Variants in KCNN3 observed in about 807,000 individuals in gnomAD.
KCNN3 encodes the protein potassium calcium-activated channel subfamily N member 3, also known as small conductance calcium-activated potassium channel protein 3.
KCNN3 carries 16 observed loss-of-function variants against 62.9 expected under a neutral mutation model. That is an observed-to-expected ratio of 0.25 (90% CI 0.17 to 0.39). KCNN3 has a LOEUF of 0.39. Among genes scored for constraint, KCNN3 ranks in the 10% least tolerant of loss-of-function variants. The pLI, the probability that KCNN3 is intolerant of heterozygous loss-of-function variation, is 1.00. For synonymous variants in KCNN3, 370 were observed against 389.2 expected (o/e 0.95, Z 0.58); for missense variants, 599 against 949.4 (o/e 0.63, Z 4.85).
chr1:154,733,263 C>T (rs920802106), intron 3 of KCNN3, 119 bp from the exon 4 acceptor site: 27 of 1,031,110 alleles, frequency 2.6e-5, no homozygotes, highest in African/African-American at 1.7e-4. Context: ...GCAGCAGTGA[C>T]GGTGGCTCAC....
chr1:154,788,451 A>G (rs1649376987), intron 2 of KCNN3, among the ~76,000 whole-genome samples: 1 of 152,216 alleles, frequency 6.6e-6, no homozygotes, highest in South Asian at 2.1e-4. Context: ...CAGTTTCTCA[A>G]ACTTATTTGA....
chr1:154,825,207 C>G (rs1383883229), intron 1 of KCNN3, among the ~76,000 whole-genome samples: 1 of 152,178 alleles, frequency 6.6e-6, no homozygotes. Flanking sequence ...CCCCCACTCA[C>G]TCCTATCTGA....
rs896283449 is a variant in KCNN3 at position 154,705,835 on chromosome 1, G to A, written c.*2141C>T. 1.3e-5 allele frequency: 2 copies of A among 152,196 alleles called. No individual in the cohort carries two copies. The highest frequency in any genetic ancestry group is 4.8e-5 in the African/African-American group (2 of 41,434). The allele number at this position is 152,196 out of a possible 1,614,324, so 9.4% of individuals were successfully genotyped here. On this transcript the variant is annotated 3_prime_UTR_variant, in exon 8 of 8. Coordinates refer to ENST00000271915, the MANE Select transcript of KCNN3 (RefSeq NM_002249.6). ...GATCAGGATTGGCACACTCAGATCA[G>A]CCCACCAGTGGTCTTCACTTTGTGA...
chr1:154,780,596 T>TTATA (rs375053074), intron 2 of KCNN3, among the ~76,000 whole-genome samples: 61 of 146,232 alleles, frequency 4.2e-4, no homozygotes, highest in Middle Eastern at 3.6e-3. Flanking sequence ...GTTTTATATT[T>TTATA]TATATATATA....
At chr1:154,722,294 G>A (rs990783459) in intron 5 of KCNN3, among the ~76,000 whole-genome samples, 5 of 151,906 alleles carry the variant, frequency 3.3e-5, no homozygotes, top group Non-Finnish European at 7.4e-5. Flanking sequence ...TGCCCACTCC[G>A]AAGAGGTTGC....
intron 1 of KCNN3, among the ~76,000 whole-genome samples, chr1:154,837,805 G>A (rs1441042482): frequency 1.3e-5 from 2 of 152,222 alleles, no homozygotes; most frequent in South Asian, 2.1e-4. Context: ...TGGCAACCCC[G>A]AAGCAGCTGC....
chr1:154,783,746 G>C (rs899443481), intron 2 of KCNN3, among the ~76,000 whole-genome samples: 60 of 152,208 alleles, frequency 3.9e-4, no homozygotes, highest in African/African-American at 1.4e-3. Flanking sequence ...TCCCATGAGA[G>C]GGGGAGGCCG....
chr1:154,714,258 GA>G (rs1700159506), intron 6 of KCNN3, among the ~76,000 whole-genome samples: 1 of 96,668 alleles, frequency 1.0e-5, no homozygotes, highest in African/African-American at 3.9e-5. Flanking sequence ...TGGTGTGTGT[GA>G]TGTGTGGTAT....
At chr1:154,763,260 T>A (rs11264256) in intron 3 of KCNN3, among the ~76,000 whole-genome samples, 44,295 of 152,100 alleles carry the variant, frequency 0.29, 7,232 homozygotes, top group Middle Eastern at 0.43. Flanking sequence ...GTTTTTCTGG[T>A]TTTTAAATTC....
chr1:154,870,064 CA>C lies in KCNN3; in HGVS notation c.-101del. ...AGAAAGCCAGGCATCCAATCTCCCCCACCAGTATCTTGGCTCCAGTCCTCTC... is the reference window on the plus strand; with the variant it reads ...AGAAAGCCAGGCATCCAATCTCCCCCCCAGTATCTTGGCTCCAGTCCTCTC... On this transcript the variant is annotated 5_prime_UTR_variant, in exon 1 of 8. Transcript: ENST00000271915. The C allele has an allele frequency of 7.3e-7, 1 of 1,366,784 alleles. No individual in the cohort carries two copies. Among genetic ancestry groups the C allele is most frequent in the Non-Finnish European group, 1.0e-6 (1 of 978,634 alleles). 84.7% of individuals were successfully genotyped at this position (1,366,784 alleles called of 1,614,324 possible).
Position 154,869,845 on chromosome 1 carries a change from C to A in KCNN3, c.120G>T (p.Gln40His). The A allele has an allele frequency of 1.3e-6, 2 of 1,577,534 alleles. No homozygotes were observed. Among genetic ancestry groups the A allele is most frequent in the Non-Finnish European group, 1.7e-6 (2 of 1,160,520 alleles). The change falls in exon 1 of 8, where the codon CAG (glutamine) becomes CAT (histidine). Residue 40 changes from glutamine (Q) to histidine (H), a missense_variant. This residue lies in a region of KCNN3 where 59 missense variants were observed against 62.4 expected (regional missense o/e 0.95). Coordinates refer to ENST00000271915, the MANE Select transcript of KCNN3 (RefSeq NM_002249.6). This position sits in a 1 kb window ranked among gnomAD's most constrained non-coding sequence, Gnocchi z 6.1. ...QQQQQQQQQQQQPPPPAPPAA... is the reference protein window; with the variant it reads ...QQQQQQQQQQHQPPPPAPPAA... ...CTGGTGGCGCTGGCGGTGGTGGCTGCTGCTGCTGTTGCTGCTGCTGCTGCT... is the reference window on the plus strand; with the variant it reads ...CTGGTGGCGCTGGCGGTGGTGGCTGATGCTGCTGTTGCTGCTGCTGCTGCT...
chr1:154,805,667 G>A (rs1336612838), intron 2 of KCNN3, among the ~76,000 whole-genome samples: 1 of 152,126 alleles, frequency 6.6e-6, no homozygotes, highest in African/African-American at 2.4e-5. Context: ...GGCCCTTTAG[G>A]GTAGTAGTAG....
rs530084489 is a variant in KCNN3, at chr1:154,779,427, A to G, written c.1030-7034T>C. Among the ~76,000 whole-genome samples the G allele has an allele frequency of 2.0e-5, 3 of 152,224 alleles. No individual in the cohort carries two copies. The East Asian group carries it at 5.8e-4, about 29-fold the overall frequency. On this transcript the variant is annotated intron_variant, in intron 2 of 7. Coordinates refer to ENST00000271915, the MANE Select transcript of KCNN3 (RefSeq NM_002249.6). ...TATATTTGCTGGCCAGTCCTTCTCA[A>G]GTAACTGGGTGACTGGATGGGGAGG...
intron 1 of KCNN3, among the ~76,000 whole-genome samples, chr1:154,843,262 C>A (rs1278630053): frequency 6.6e-6 from 1 of 152,084 alleles, no homozygotes; most frequent in Admixed American, 6.5e-5. Context: ...ATCCACCCTG[C>A]AGAACAGTTC....
intron 1 of KCNN3, among the ~76,000 whole-genome samples, chr1:154,853,964 G>A (rs1477325478): frequency 6.6e-6 from 1 of 151,110 alleles, no homozygotes; most frequent in East Asian, 2.0e-4. Context: ...AGCTGGGCGC[G>A]GTGGCTTATG....
rs1699796689 is a variant in KCNN3, at chr1:154,698,988, A to G, written c.*8988T>C. 1 of 152,192 alleles carries G rather than the reference A, an allele frequency of 6.6e-6. No homozygotes were observed. The highest frequency in any genetic ancestry group is 1.5e-5 in the Non-Finnish European group (1 of 68,034). 9.4% of individuals were successfully genotyped at this position (152,192 alleles called of 1,614,324 possible). A position where few individuals can be genotyped will look rare whatever the true frequency, so the allele number is the denominator to read the frequency against. The stretch of plus-strand genomic sequence containing the variant: ...CACTAGACTGAACAAATTTTTAGCT[A>G]TTGCCTTATGGGAACCACAGAAATG... On this transcript the variant is annotated 3_prime_UTR_variant, in exon 8 of 8. Coordinates refer to ENST00000271915, the MANE Select transcript of KCNN3 (RefSeq NM_002249.6).
intron 1 of KCNN3, among the ~76,000 whole-genome samples, chr1:154,837,051 C>G (rs932615289): frequency 6.6e-6 from 1 of 152,106 alleles, no homozygotes; most frequent in Admixed American, 6.5e-5. Context: ...CTTTTGTTTC[C>G]TCGTTCCACT....
chr1:154,752,503 C>T (rs2135697), intron 3 of KCNN3, among the ~76,000 whole-genome samples: 135,590 of 151,990 alleles, frequency 0.89, 60,674 homozygotes, highest in East Asian at 1. Flanking sequence ...GCAGCAGCCC[C>T]GGGCCAGCAG....
chr1:154,791,992 T>C (rs148961361), intron 2 of KCNN3, among the ~76,000 whole-genome samples: 2 of 152,254 alleles, frequency 1.3e-5, no homozygotes, highest in Non-Finnish European at 2.9e-5. Flanking sequence ...AAGGAAACCA[T>C]GTAATTGCAA....
Sources: gnomAD v4.1 joint callset for allele counts (sites outside exome capture counted in the v4.1 genomes callset) on GRCh38, gnomAD v4.1.1 for gene constraint, gnomAD v4.1.1 regional missense constraint, Gnocchi (gnomAD v3.1) non-coding constraint, MANE v1.5 for transcripts, NCBI Gene and HGNC (gene_info 2026-07-23, HGNC 2026-07-21) for gene names.